The following PATL2 variants were observed in gnomAD, a reference collection of about 807,000 sequenced individuals.
The protein encoded by PATL2 is PAT1 homolog 2, also known as protein PAT1 homolog 2.
A neutral mutation model predicts 77.0 loss-of-function variants in PATL2; 73 were observed. The observed-to-expected ratio is 0.95, with a 90% CI of 0.78 to 1.15. The LOEUF (loss-of-function observed/expected upper bound fraction) is 1.15, where lower values mean the gene tolerates loss of function less well. Ranked by LOEUF, PATL2 falls within the 50% of genes most tolerant of loss-of-function variation. The pLI is 0.00. For synonymous variants in PATL2, 265 were observed against 257.1 expected (o/e 1.03, Z -0.29); for missense variants, 618 against 655.4 (o/e 0.94, Z 0.62).
chr15:44,692,221 G>C (rs2086408313), intron 3 of PATL2, among the ~76,000 whole-genome samples: 1 of 152,070 alleles, frequency 6.6e-6, no homozygotes, highest in African/African-American at 2.4e-5. Flanking sequence ...ATAAACAATG[G>C]ATTAGCAGTG....
intron 3 of PATL2, among the ~76,000 whole-genome samples, chr15:44,706,765 A>G (rs7177866): frequency 0.031 from 4,679 of 152,280 alleles, 91 homozygotes; most frequent in Non-Finnish European, 0.045. Flanking sequence ...GCTACTACCT[A>G]TGTTCACTCA....
At chr15:44,695,719 C>G (rs1464494709) in intron 3 of PATL2, among the ~76,000 whole-genome samples, 1 of 152,180 alleles carries the variant, frequency 6.6e-6, no homozygotes, top group Non-Finnish European at 1.5e-5. Context: ...AAAACAGTCA[C>G]AAGCCCACCA....
chr15:44,699,295 C>T (rs1014727358), intron 3 of PATL2, among the ~76,000 whole-genome samples: 9 of 151,988 alleles, frequency 5.9e-5, no homozygotes, highest in African/African-American at 2.2e-4. Context: ...GGAGAGTTTC[C>T]ACAATGTTTT....
chr15:44,696,494 C>A (rs2086505626), intron 3 of PATL2, among the ~76,000 whole-genome samples: 1 of 151,394 alleles, frequency 6.6e-6, no homozygotes, highest in African/African-American at 2.4e-5. Context: ...TTTTTTACAT[C>A]AAGCTTATAT....
At chr15:44,702,716 T>A (rs937718668) in intron 3 of PATL2, among the ~76,000 whole-genome samples, 3 of 152,122 alleles carry the variant, frequency 2.0e-5, no homozygotes, top group African/African-American at 7.3e-5. Flanking sequence ...TTCCAGAATT[T>A]AAAAAATTTC....
At chr15:44,671,950 G>T in intron 9 of PATL2, 65 bp downstream of exon 9, 1 of 1,531,670 alleles carries the variant, frequency 6.5e-7, no homozygotes, top group Non-Finnish European at 8.8e-7. Flanking sequence ...GGATCAGAGC[G>T]GGCCCGGGAG....
chr15:44,693,688 T>C (rs2086443403), intron 3 of PATL2, among the ~76,000 whole-genome samples: 1 of 151,806 alleles, frequency 6.6e-6, no homozygotes, highest in Non-Finnish European at 1.5e-5. Flanking sequence ...AAAAATGTTT[T>C]CTTTTTCTGT....
chr15:44,668,601 A>G (rs1595956856), intron 14 of PATL2, 119 bp from the exon 15 acceptor site: 1 of 1,280,760 alleles, frequency 7.8e-7, no homozygotes, highest in East Asian at 2.6e-5. Context: ...GAGGTTACTT[A>G]CCAGGCTTAT....
At chr15:44,671,888 T>C (rs2085698561) in intron 9 of PATL2, 127 bp downstream of exon 9, 1 of 1,184,808 alleles carries the variant, frequency 8.4e-7, no homozygotes, top group Admixed American at 2.7e-5. Context: ...CCCCATCCTG[T>C]AGTGATTCTC....
chr15:44,670,458 T>G (rs896876351), intron 9 of PATL2, among the ~76,000 whole-genome samples: 5 of 152,176 alleles, frequency 3.3e-5, no homozygotes, highest in African/African-American at 1.2e-4. Flanking sequence ...CCTCCCAAAG[T>G]GCTGGGATTA....
intron 9 of PATL2, 21 bp downstream of exon 9, chr15:44,671,994 G>C (rs940840836): frequency 3.9e-6 from 6 of 1,551,424 alleles, no homozygotes; most frequent in Non-Finnish European, 5.2e-6. Context: ...CAGAGGCTGG[G>C]CTGAGTACTG....
chr15:44,696,473 A>G (rs988795416), intron 3 of PATL2, among the ~76,000 whole-genome samples: 1 of 152,164 alleles, frequency 6.6e-6, no homozygotes, highest in Admixed American at 6.6e-5. Flanking sequence ...ATATTTCTGT[A>G]CTACTTGATT....
chr15:44,690,131 A>G (rs930227120), intron 3 of PATL2, among the ~76,000 whole-genome samples: 1 of 152,088 alleles, frequency 6.6e-6, no homozygotes, highest in Non-Finnish European at 1.5e-5. Context: ...GGAGGTTGCC[A>G]TGAGCTGAGA....
chr15:44,690,340 A>AATTT (rs398118800), intron 3 of PATL2, among the ~76,000 whole-genome samples: 2 of 141,718 alleles, frequency 1.4e-5, no homozygotes, highest in Non-Finnish European at 1.6e-5. Context: ...AAGTCAAAAT[A>AATTT]TTTTTTTTTT....
At chr15:44,671,472 G>C (rs1027745069) in intron 9 of PATL2, among the ~76,000 whole-genome samples, 2 of 151,072 alleles carry the variant, frequency 1.3e-5, no homozygotes, top group South Asian at 4.2e-4. Flanking sequence ...CTGGATGACA[G>C]AGGGAGACTC....
At chr15:44,702,187 T>C (rs985207782) in intron 3 of PATL2, among the ~76,000 whole-genome samples, 7 of 152,130 alleles carry the variant, frequency 4.6e-5, no homozygotes, top group Non-Finnish European at 7.3e-5. Flanking sequence ...TCTGTTCTGG[T>C]TTTGGATTTC....
chr15:44,667,698 T>C (rs1352928222), intron 15 of PATL2, among the ~76,000 whole-genome samples: 1 of 152,210 alleles, frequency 6.6e-6, no homozygotes, highest in Non-Finnish European at 1.5e-5. Context: ...ATTCCAGCAC[T>C]TTGGGAGGCC....
At chr15:44,695,734 C>T (rs2086489994) in intron 3 of PATL2, among the ~76,000 whole-genome samples, 1 of 152,196 alleles carries the variant, frequency 6.6e-6, no homozygotes, top group Non-Finnish European at 1.5e-5. Context: ...CCACCAAGTT[C>T]TGTTTACTCC....
At position 44,674,160 on chromosome 15, in the gene PATL2, A is replaced by G; in HGVS notation, c.293T>C (p.Phe98Ser). The G allele has an allele frequency of 2.6e-6, 4 of 1,549,068 alleles. No individual in the cohort carries two copies. The highest frequency in any genetic ancestry group is 1.4e-5 in the African/African-American group (1 of 73,100). ...MLGMSLASLHFLWQTLDYLSP... is the reference protein window; with the variant it reads ...MLGMSLASLHSLWQTLDYLSP... Reference sequence around the variant, plus strand: ...CTGCAGCAGACTCACCTGCCACAGAAAATGCAAGGAGGCAAGTGACATTCC... The same window carrying G: ...CTGCAGCAGACTCACCTGCCACAGAGAATGCAAGGAGGCAAGTGACATTCC... The change falls in exon 6 of 18, where the codon TTT becomes TCT. Residue 98 changes from phenylalanine to serine, a missense_variant. Transcript: ENST00000682850.
Sources: allele counts gnomAD v4.1 joint callset (sites outside exome capture counted in the v4.1 genomes callset), GRCh38; gene constraint gnomAD v4.1.1; transcripts MANE v1.5; gene names NCBI Gene and HGNC (gene_info 2026-07-23, HGNC 2026-07-21).